The following ZNF362 variants were observed in gnomAD, a reference collection of about 807,000 sequenced individuals.
The protein encoded by ZNF362 is zinc finger protein 362.
Under a neutral mutation model 42.9 loss-of-function variants are expected in ZNF362, and 11 were observed. The observed-to-expected ratio is 0.26, with a 90% CI of 0.16 to 0.42. The LOEUF is 0.42. Ranked by LOEUF, ZNF362 falls within the 20% of genes least tolerant of loss-of-function variation. The probability of loss-of-function intolerance (pLI) is 1.00; values close to 1 mark genes in which losing one functional copy is unlikely to be tolerated. For synonymous variants in ZNF362, 255 were observed against 257.3 expected, an observed-to-expected ratio of 0.99 and a Z score of 0.09; for missense variants, 362 against 576.2, an observed-to-expected ratio of 0.63 and a Z score of 3.81.
At chr1:33,130,288 G>T in the ZNF362 span, among the ~76,000 whole-genome samples, 3 of 152,200 alleles carry the variant, frequency 2.0e-5, no homozygotes, top group African/African-American at 7.2e-5. Flanking sequence ...GTTGAGTATG[G>T]ATGGAATTTA....
the ZNF362 span, among the ~76,000 whole-genome samples, chr1:33,189,700 C>T: frequency 0.35 from 1,818 of 5,238 alleles, 131 homozygotes; most frequent in South Asian, 0.49. Context: ...TATATATACA[C>T]ATATATACGT....
At chr1:33,236,570 T>TATATATATATATATATATAC in the ZNF362 span, among the ~76,000 whole-genome samples, 2 of 98,486 alleles carry the variant, frequency 2.0e-5, no homozygotes, top group African/African-American at 7.3e-5. Context: ...TATATATATA[T>TATATATATATATATATATAC]ATACATACAC....
the ZNF362 span, among the ~76,000 whole-genome samples, chr1:33,216,930 G>A: frequency 6.1e-3 from 931 of 151,846 alleles, 12 homozygotes; most frequent in African/African-American, 0.021. Context: ...GCTTTTCCAA[G>A]CAGAGGCGAC....
chr1:33,256,830 G>GCGGCGT (rs1266516627), intron 1 of ZNF362, among the ~76,000 whole-genome samples, 176 bp downstream of exon 1: 3 of 146,964 alleles, frequency 2.0e-5, no homozygotes, highest in Non-Finnish European at 3.0e-5. Flanking sequence ...GCCCAGAGCG[G>GCGGCGT]CGGCGGCGGC....
chr1:33,156,024 T>C, the ZNF362 span, among the ~76,000 whole-genome samples: 169 of 152,328 alleles, frequency 1.1e-3, no homozygotes, highest in Non-Finnish European at 2.0e-3. Flanking sequence ...CCCCACTGGC[T>C]TTGGTGCCCA....
At chr1:33,137,200 T>A in the ZNF362 span, among the ~76,000 whole-genome samples, 1 of 152,158 alleles carries the variant, frequency 6.6e-6, no homozygotes, top group East Asian at 1.9e-4. Flanking sequence ...CACAGGGTAG[T>A]ATGGGGACTG....
chr1:33,168,565 TAG>T, the ZNF362 span, among the ~76,000 whole-genome samples: 6 of 152,192 alleles, frequency 3.9e-5, no homozygotes, highest in Non-Finnish European at 7.4e-5. Context: ...AGTCCTTTCC[TAG>T]AGACTTGTCT....
chr1:33,288,742 T>TAAAA (rs1646051006), intron 6 of ZNF362, among the ~76,000 whole-genome samples: 1 of 894 alleles, frequency 1.1e-3, no homozygotes, highest in Non-Finnish European at 4.8e-3. Context: ...AGACTCTGTC[T>TAAAA]CAAAAAAAAA....
chr1:33,189,968 C>G, the ZNF362 span, among the ~76,000 whole-genome samples: 1 of 151,880 alleles, frequency 6.6e-6, no homozygotes, highest in East Asian at 1.9e-4. Flanking sequence ...TATCTCCTTA[C>G]TTTAACAGGA....
At chr1:33,177,006 G>C in the ZNF362 span, among the ~76,000 whole-genome samples, 1 of 152,038 alleles carries the variant, frequency 6.6e-6, no homozygotes, top group Non-Finnish European at 1.5e-5. This position sits in a 1 kb window ranked among gnomAD's most constrained non-coding sequence, Gnocchi z 4.1. Flanking sequence ...CAGCAGTGGA[G>C]GTGGGGAGGA....
At chr1:33,210,848 C>T in the ZNF362 span, among the ~76,000 whole-genome samples, 13 of 152,184 alleles carry the variant, frequency 8.5e-5, no homozygotes, top group Non-Finnish European at 1.6e-4. Flanking sequence ...CTCCTGAATA[C>T]AGCACACCGA....
chr1:33,190,037 C>A, the ZNF362 span, among the ~76,000 whole-genome samples: 14 of 151,960 alleles, frequency 9.2e-5, no homozygotes, highest in African/African-American at 3.1e-4. Flanking sequence ...TCTGAATTCC[C>A]CAACTATAGA....
the ZNF362 span, among the ~76,000 whole-genome samples, chr1:33,209,034 A>C: frequency 6.6e-6 from 1 of 152,148 alleles, no homozygotes; most frequent in African/African-American, 2.4e-5. Context: ...GTTTTTGCCC[A>C]TTCAGTATAT....
intron 1 of ZNF362, among the ~76,000 whole-genome samples, chr1:33,267,472 A>T (rs552886225): frequency 1.3e-5 from 2 of 152,196 alleles, no homozygotes; most frequent in South Asian, 4.1e-4. Flanking sequence ...TTCCCCCCTG[A>T]CTATTGTTGT....
At chr1:33,277,491 T>C (rs182735443) in intron 4 of ZNF362, among the ~76,000 whole-genome samples, 2 of 152,154 alleles carry the variant, frequency 1.3e-5, no homozygotes, top group African/African-American at 4.8e-5. Context: ...ACTGAAGGTT[T>C]TTAAGTAGGG....
At chr1:33,205,407 C>G in the ZNF362 span, among the ~76,000 whole-genome samples, 52 of 151,848 alleles carry the variant, frequency 3.4e-4, no homozygotes, top group Non-Finnish European at 7.4e-4. Context: ...ATCACGTGAG[C>G]CCAGGTGATG....
the ZNF362 span, among the ~76,000 whole-genome samples, chr1:33,150,015 C>G: frequency 4.2e-4 from 64 of 152,310 alleles, no homozygotes; most frequent in Non-Finnish European, 6.3e-4. Context: ...CTGGCCACAC[C>G]GGCTTAGCAG....
At chr1:33,156,731 C>G in the ZNF362 span, among the ~76,000 whole-genome samples, 1 of 152,164 alleles carries the variant, frequency 6.6e-6, no homozygotes, top group Non-Finnish European at 1.5e-5. Context: ...GCTTGTCATC[C>G]CTACTGCCTT....
chr1:33,181,222 T>G, the ZNF362 span: 5 of 1,573,636 alleles, frequency 3.2e-6, no homozygotes, highest in Non-Finnish European at 4.3e-6. This position sits in a 1 kb window ranked among gnomAD's most constrained non-coding sequence, Gnocchi z 6.5. Flanking sequence ...CGCTCCACGA[T>G]GTTGGCCAGC....
Sources: allele counts gnomAD v4.1 joint callset (sites outside exome capture counted in the v4.1 genomes callset), GRCh38; gene constraint gnomAD v4.1.1; non-coding constraint Gnocchi (gnomAD v3.1); transcripts MANE v1.5; gene names NCBI Gene and HGNC (gene_info 2026-07-23, HGNC 2026-07-21).